The following LINC00632 variants were observed in gnomAD, a reference collection of about 807,000 sequenced individuals.
LINC00632 encodes ALDOA related specific transcript.
chrX:140,752,352 C>T (rs1931422991), intron 3 of LINC00632, among the ~76,000 whole-genome samples: 1 of 111,735 alleles, frequency 8.9e-6, no homozygotes, highest in Non-Finnish European at 1.9e-5. Context: ...CTGTCTCTAA[C>T]ATCAACAATA....
rs755145324 is a variant in LINC00632, at chrX:140,779,345, C to T, written n.7364C>T. On this transcript the variant is annotated non_coding_transcript_exon_variant, in exon 5 of 5. Transcript: ENST00000648200. ...AAACTTGTATTACATTTAAAAAGAA[C>T]TTTTTGTTTAAAATCTTTTAAGTTC... 2.1e-3 allele frequency among the ~76,000 whole-genome samples: 231 copies of T among 112,291 alleles called. 1 individual carries two copies. The highest frequency in any genetic ancestry group is 7.0e-3 in the African/African-American group (217 of 30,956).
chrX:140,731,421 G>A (rs1416073693), intron 2 of LINC00632, among the ~76,000 whole-genome samples: 1 of 111,471 alleles, frequency 9.0e-6, no homozygotes, highest in Non-Finnish European at 1.9e-5. Flanking sequence ...TAGAGCACAA[G>A]GAATATGAGT....
rs72617945 is a variant in LINC00632, at chrX:140,785,628, C to T, written n.13647C>T. Among the ~76,000 whole-genome samples, 152 of 112,292 alleles carry T rather than the reference C, an allele frequency of 1.4e-3. 2 individuals are homozygous for T. The South Asian group carries it at 0.036, about 27-fold the overall frequency. ...TGTATGCACAGCTTTTATTCCCCAA[C>T]CAGCTACTACCATTCCCTTGGACCT... On this transcript the variant is annotated non_coding_transcript_exon_variant, in exon 5 of 5. Transcript: ENST00000648200.
At position 140,790,279 on chromosome X, in the gene LINC00632, A is replaced by AT. The variant is rs761978374; in HGVS notation, n.18306dup. ...TGGTACAAAGTAGGAATCTAAGCTT[A>AT]TTTTTTTTCAGAAGAGAGAGTCAGT... On this transcript the variant is annotated non_coding_transcript_exon_variant, in exon 5 of 5. Transcript: ENST00000648200. Among the ~76,000 whole-genome samples, 239 of 106,792 alleles carry AT rather than the reference A, an allele frequency of 2.2e-3. 1 individual carries two copies. Among genetic ancestry groups the AT allele is most frequent in the Non-Finnish European group, 3.5e-3 (180 of 50,820 alleles). The allele number at this position is 106,792 out of a possible 115,157, so 92.7% of individuals were successfully genotyped here.
chrX:140,768,767 AAT>A (rs1433949438), intron 3 of LINC00632, among the ~76,000 whole-genome samples: 2 of 100,297 alleles, frequency 2.0e-5, no homozygotes, highest in African/African-American at 7.2e-5. Context: ...TATATAATAA[AAT>A]ATATTATATA....
At chrX:140,711,276 T>C (rs1930510733) in intron 1 of LINC00632, among the ~76,000 whole-genome samples, 1 of 111,651 alleles carries the variant, frequency 9.0e-6, no homozygotes, top group African/African-American at 3.2e-5. Context: ...ATCCCGTAAC[T>C]TAGAGATAAT....
At chrX:140,780,319 G>T (rs762936514) in exon 5 of LINC00632, among the ~76,000 whole-genome samples, 68 of 111,539 alleles carry the variant, frequency 6.1e-4, no homozygotes, top group African/African-American at 2.1e-3. Flanking sequence ...ATGCATGATG[G>T]TTTTAAGATG....
Position 140,743,826 on chromosome X carries a change from C to T in LINC00632, n.191+9862C>T, listed in dbSNP as rs996325311. Reference sequence around the variant, plus strand: ...TCGAGAGGCTTTCCCTCCACCTCCTCCTCTTGACCTTGGAGTTGCTAAAAT... The same window carrying T: ...TCGAGAGGCTTTCCCTCCACCTCCTTCTCTTGACCTTGGAGTTGCTAAAAT... On this transcript the variant is annotated intron_variant and non_coding_transcript_variant, in intron 3 of 4. Coordinates refer to ENST00000648200, the Ensembl canonical transcript of LINC00632. 1.7e-4 allele frequency among the ~76,000 whole-genome samples: 19 copies of T among 111,503 alleles called. 1 individual carries two copies. The highest frequency in any genetic ancestry group is 1.7e-4 in the Non-Finnish European group (9 of 53,181).
chrX:140,767,358 T>C lies in LINC00632; in HGVS notation n.192-4720T>C, dbSNP rs182549255. Among the ~76,000 whole-genome samples, 110 of 111,969 alleles carry C rather than the reference T, an allele frequency of 9.8e-4. No individual in the cohort carries two copies. The East Asian group carries it at 0.029, about 30-fold the overall frequency. On this transcript the variant is annotated intron_variant and non_coding_transcript_variant, in intron 3 of 4. Transcript: ENST00000648200. ...CAGTGCCTGGCCCAGAAAAATTCAC[T>C]TTATTAGTGTTATTTACCTATTATT... is the stretch of plus-strand genomic sequence containing the variant.
At chrX:140,788,348 A>C (rs1390845241) in exon 5 of LINC00632, among the ~76,000 whole-genome samples, 1 of 110,451 alleles carries the variant, frequency 9.1e-6, no homozygotes, top group African/African-American at 3.3e-5. Context: ...CAAGTTAATG[A>C]GTAAAAATAA....
At chrX:140,748,778 AATATG>A (rs1931364802) in intron 3 of LINC00632, among the ~76,000 whole-genome samples, 1 of 106,165 alleles carries the variant, frequency 9.4e-6, no homozygotes, top group African/African-American at 3.4e-5. Flanking sequence ...TATAAAATAA[AATATG>A]ATATATATAT....
rs746044274 is a variant in LINC00632 at position 140,744,572 on chromosome X, GGGGGGGT to G, written n.191+10615_191+10621del. 5.3e-3 allele frequency among the ~76,000 whole-genome samples: 270 copies of G among 51,216 alleles called. 17 individuals are homozygous for G. The highest frequency in any genetic ancestry group is 0.042 in the East Asian group (25 of 597). 44.5% of individuals were successfully genotyped at this position (51,216 alleles called of 115,157 possible). On this transcript the variant is annotated intron_variant and non_coding_transcript_variant, in intron 3 of 4. Transcript: ENST00000648200. ...TTTGGATTAGAGCTTTTTTTTGGGG[GGGGGGGT>G]GGGGGGAGGAGATGGAGTCTTGCTT...
chrX:140,759,528 A>ATT (rs1157424488), intron 3 of LINC00632, among the ~76,000 whole-genome samples: 2 of 100,119 alleles, frequency 2.0e-5, no homozygotes, highest in Admixed American at 1.1e-4. Context: ...AGCTAATTAA[A>ATT]TTTTTTTTTT....
At chrX:140,778,629 A>C (rs988744179) in exon 5 of LINC00632, among the ~76,000 whole-genome samples, 5 of 110,043 alleles carry the variant, frequency 4.5e-5, no homozygotes, top group Non-Finnish European at 9.5e-5. Context: ...AAAAAAAAAA[A>C]AAAAAAGAAC....
At chrX:140,753,257 T>C (rs1400332226) in intron 3 of LINC00632, among the ~76,000 whole-genome samples, 1 of 112,239 alleles carries the variant, frequency 8.9e-6, no homozygotes, top group African/African-American at 3.2e-5. Context: ...ATTATCAGTA[T>C]AATTTGGGAT....
At chrX:140,789,997 G>T (rs1932083374) in exon 5 of LINC00632, among the ~76,000 whole-genome samples, 2 of 110,542 alleles carry the variant, frequency 1.8e-5, no homozygotes, top group Non-Finnish European at 3.8e-5. Flanking sequence ...ATTTAGATAG[G>T]CTTCTGCACT....
chrX:140,719,353 C>T (rs149419611), intron 2 of LINC00632, among the ~76,000 whole-genome samples: 74 of 110,024 alleles, frequency 6.7e-4, no homozygotes, highest in African/African-American at 1.8e-3. Flanking sequence ...GGCTGGAGTG[C>T]GGTGGCATGA....
intron 2 of LINC00632, among the ~76,000 whole-genome samples, chrX:140,724,514 T>TATAC (rs1930875834): frequency 1.5e-5 from 1 of 68,399 alleles, no homozygotes; most frequent in African/African-American, 4.8e-5. Flanking sequence ...ACACATTCCA[T>TATAC]ACACACACAT....
intron 3 of LINC00632, among the ~76,000 whole-genome samples, chrX:140,753,768 CTTTTTT>C (rs752596283): frequency 2.0e-5 from 1 of 49,728 alleles, no homozygotes; most frequent in African/African-American, 9.7e-5. Flanking sequence ...TTCTTTCTTT[CTTTTTT>C]TTTTTTTTTT....
Sources: allele counts gnomAD v4.1 joint callset (sites outside exome capture counted in the v4.1 genomes callset), GRCh38; gene constraint gnomAD v4.1.1; transcripts MANE v1.5; gene names NCBI Gene and HGNC (gene_info 2026-07-23, HGNC 2026-07-21).